Variants in ENTHD1 observed in about 807,000 individuals in gnomAD.
ENTHD1 encodes the protein ENTH domain-containing protein 1.
Under a neutral mutation model 39.1 loss-of-function variants are expected in ENTHD1, and 23 were observed. The ratio of observed to expected loss-of-function variants is 0.59; its 90% CI spans 0.42 to 0.83. ENTHD1 has a LOEUF of 0.83. Ranked by LOEUF, ENTHD1 falls within the 40% of genes least tolerant of loss-of-function variation. The probability of loss-of-function intolerance (pLI) is 0.00; values close to 1 mark genes in which losing one functional copy is unlikely to be tolerated. For synonymous variants in ENTHD1, 230 were observed against 258.2 expected (o/e 0.89, Z 1.05); for missense variants, 624 against 705.4 (o/e 0.88, Z 1.31).
intron 3 of ENTHD1, among the ~76,000 whole-genome samples, chr22:39,847,616 T>C (rs2066001214): frequency 6.6e-6 from 1 of 151,234 alleles, no homozygotes; most frequent in South Asian, 2.1e-4. Flanking sequence ...GGTCTCAAAT[T>C]CCTGGGCTCA....
intron 6 of ENTHD1, among the ~76,000 whole-genome samples, chr22:39,763,250 A>G (rs1309937325): frequency 1.3e-5 from 2 of 152,222 alleles, no homozygotes. Flanking sequence ...TTGTATCATC[A>G]GAATCATCAG....
Position 39,869,637 on chromosome 22 carries a change from T to TAA in ENTHD1, c.350-7632_350-7631dup, listed in dbSNP as rs75175740. Among the ~76,000 whole-genome samples the TAA allele has an allele frequency of 5.9e-4, 71 of 119,538 alleles. 2 individuals carry two copies. Among genetic ancestry groups the TAA allele is most frequent in the South Asian group, 1.3e-3 (5 of 3,734 alleles). The allele number at this position is 119,538 out of a possible 152,430, so 78.4% of individuals were successfully genotyped here. ...GAATCTAAAATAAAAGTTAAAATTG[T>TAA]AAAAAAAAAAAAAAAACCAGCAATC... On this transcript the variant is annotated intron_variant, in intron 2 of 6. Transcript: ENST00000325157.
chr22:39,837,897 A>C (rs1019018212), intron 3 of ENTHD1, among the ~76,000 whole-genome samples: 9 of 152,248 alleles, frequency 5.9e-5, no homozygotes, highest in Non-Finnish European at 1.3e-4. Flanking sequence ...ACATCTGTTT[A>C]TACATTTATT....
chr22:39,870,527 T>C (rs2066233519), intron 2 of ENTHD1, among the ~76,000 whole-genome samples: 1 of 152,034 alleles, frequency 6.6e-6, no homozygotes, highest in African/African-American at 2.4e-5. Flanking sequence ...TCAAAAATGA[T>C]CTCCAAAGAC....
chr22:39,837,284 A>G (rs571260795), intron 3 of ENTHD1, among the ~76,000 whole-genome samples: 4 of 152,212 alleles, frequency 2.6e-5, no homozygotes, highest in Non-Finnish European at 5.9e-5. Flanking sequence ...AGATAGTTTT[A>G]AAGGAAGCAA....
intron 3 of ENTHD1, among the ~76,000 whole-genome samples, chr22:39,856,045 C>G (rs542568344): frequency 6.6e-6 from 1 of 152,082 alleles, no homozygotes; most frequent in Non-Finnish European, 1.5e-5. Flanking sequence ...GAGGCTGAGG[C>G]GGGCAGATCA....
intron 1 of ENTHD1, among the ~76,000 whole-genome samples, chr22:39,889,161 T>G (rs1308575392): frequency 2.0e-5 from 3 of 152,136 alleles, no homozygotes; most frequent in Non-Finnish European, 4.4e-5. Context: ...TTGTTCACCT[T>G]TGGAAAAAGA....
chr22:39,856,871 AAG>A lies in ENTHD1; in HGVS notation c.592+4892_592+4893del, dbSNP rs1334211982. Among the ~76,000 whole-genome samples the A allele has an allele frequency of 1.8e-4, 27 of 149,938 alleles. 1 individual carries two copies. The highest frequency in any genetic ancestry group is 4.6e-4 in the Admixed American group (7 of 15,180). On this transcript the variant is annotated intron_variant, in intron 3 of 6. Coordinates refer to ENST00000325157, the MANE Select transcript of ENTHD1 (RefSeq NM_152512.4). ...CTGTCTCAAAAAAAAAAAAAAAAGA[AAG>A]AAAGAAAAGGAAAAGAAAAAGCACA...
At chr22:39,752,601 CATT>C (rs1421264404) in intron 6 of ENTHD1, among the ~76,000 whole-genome samples, 7 of 152,176 alleles carry the variant, frequency 4.6e-5, no homozygotes, top group African/African-American at 1.2e-4. Context: ...AATTTAATGT[CATT>C]ATAAATATGC....
At chr22:39,851,169 A>G (rs941595762) in intron 3 of ENTHD1, among the ~76,000 whole-genome samples, 2 of 152,148 alleles carry the variant, frequency 1.3e-5, no homozygotes, top group African/African-American at 4.8e-5. Flanking sequence ...TCAGGCTTCT[A>G]CTGTAGAAGA....
At chr22:39,771,386 G>A (rs1270385769) in intron 5 of ENTHD1, among the ~76,000 whole-genome samples, 2 of 152,092 alleles carry the variant, frequency 1.3e-5, no homozygotes, top group East Asian at 3.9e-4. Flanking sequence ...GCTAAAAGTG[G>A]GCTGAAACCA....
rs1007293425 is a variant in ENTHD1, at chr22:39,814,025, A to C, written c.832+6968T>G. ...TACAGAACCTATATGAAAAACTATT[A>C]AAAAAACACATTAAGGAAGAATTAA... is the stretch of plus-strand genomic sequence containing the variant. On this transcript the variant is annotated intron_variant, in intron 5 of 6. Coordinates refer to ENST00000325157, the MANE Select transcript of ENTHD1 (RefSeq NM_152512.4). Among the ~76,000 whole-genome samples the C allele has an allele frequency of 5.3e-5, 8 of 152,146 alleles. No homozygotes were observed. In the East Asian group the frequency reaches 1.5e-3, roughly 29 times the overall value.
chr22:39,814,409 G>A (rs916362885), intron 5 of ENTHD1, among the ~76,000 whole-genome samples: 1 of 152,050 alleles, frequency 6.6e-6, no homozygotes, highest in African/African-American at 2.4e-5. Flanking sequence ...GCAGTGAACC[G>A]CAATTGTGCC....
chr22:39,827,432 T>C (rs1437309561), intron 4 of ENTHD1, among the ~76,000 whole-genome samples: 3 of 151,754 alleles, frequency 2.0e-5, no homozygotes, highest in African/African-American at 4.8e-5. Flanking sequence ...AAATGGAAAA[T>C]AGATAAAGAA....
chr22:39,786,729 C>T (rs1181868211), intron 5 of ENTHD1, among the ~76,000 whole-genome samples: 1 of 152,222 alleles, frequency 6.6e-6, no homozygotes, highest in Non-Finnish European at 1.5e-5. Flanking sequence ...AACCACCACA[C>T]TACTCTCTGC....
chr22:39,778,312 T>C (rs1446442446), intron 5 of ENTHD1, among the ~76,000 whole-genome samples: 1 of 152,186 alleles, frequency 6.6e-6, no homozygotes, highest in Non-Finnish European at 1.5e-5. Context: ...TGATGCATTC[T>C]CTTGAACCTG....
intron 2 of ENTHD1, among the ~76,000 whole-genome samples, chr22:39,878,580 T>G (rs891128589): frequency 2.0e-5 from 3 of 151,614 alleles, no homozygotes; most frequent in Admixed American, 2.0e-4. Context: ...TACATTCAAC[T>G]TCTCAGAAAC....
intron 5 of ENTHD1, among the ~76,000 whole-genome samples, chr22:39,777,027 C>T (rs2065370562): frequency 2.0e-5 from 3 of 152,226 alleles, no homozygotes; most frequent in Non-Finnish European, 2.9e-5. Context: ...ATTACAGCTA[C>T]AAAGCAGAGA....
intron 5 of ENTHD1, among the ~76,000 whole-genome samples, chr22:39,815,272 G>A (rs2065724265): frequency 6.6e-6 from 1 of 151,980 alleles, no homozygotes; most frequent in African/African-American, 2.4e-5. Flanking sequence ...GTGAAACCTC[G>A]TTTCTATTAA....
Sources: gnomAD v4.1 joint callset for allele counts (sites outside exome capture counted in the v4.1 genomes callset) on GRCh38, gnomAD v4.1.1 for gene constraint, MANE v1.5 for transcripts, NCBI Gene and HGNC (gene_info 2026-07-23, HGNC 2026-07-21) for gene names.